The following LRBA variants were observed in gnomAD, a reference collection of about 807,000 sequenced individuals.
The protein encoded by LRBA is LPS responsive beige-like anchor protein, also known as lipopolysaccharide-responsive and beige-like anchor protein.
A neutral mutation model predicts 330.0 loss-of-function variants in LRBA; 176 were observed. That is an observed-to-expected ratio of 0.53 (90% CI 0.47 to 0.60). The LOEUF is 0.60. Among genes scored for constraint, LRBA ranks in the 20% least tolerant of loss-of-function variants. LRBA has a pLI of 0.00. For missense variants in LRBA, 3,259 were observed against 3,444.8 expected, an observed-to-expected ratio of 0.95 and a Z score of 1.35; for synonymous variants, 1,230 against 1,193.0, an observed-to-expected ratio of 1.03 and a Z score of -0.64.
intron 52 of LRBA, among the ~76,000 whole-genome samples, chr4:150,303,743 T>G (rs1183339377): frequency 2.0e-5 from 3 of 152,016 alleles, no homozygotes; most frequent in Non-Finnish European, 4.4e-5. Context: ...CCGGCTAATT[T>G]TTTGTATTTT....
rs1295959475 is a variant in LRBA at position 150,916,641 on chromosome 4, T to G, written c.743A>C (p.Asp248Ala). 1.3e-6 allele frequency: 2 copies of G among 1,599,234 alleles called. No homozygotes were observed. The highest frequency in any genetic ancestry group is 8.5e-7 in the Non-Finnish European group (1 of 1,173,956). The stretch of plus-strand genomic sequence containing the variant: ...CCAATACAAATATGGTTTATCCTTA[T>G]CTACATTGATGTTATTTACAGGATC... ...RMDPVNNINVDKDKPYLYCFR... is the reference protein window; with the variant it reads ...RMDPVNNINVAKDKPYLYCFR... Residue 248 changes from aspartate to alanine, a missense_variant, in exon 6 of 57, where the codon GAT becomes GCT. Asp to Ala is a moderately radical substitution (Grantham distance 126). Transcript: ENST00000651943.
chr4:150,621,633 C>A (rs188760346), intron 37 of LRBA, among the ~76,000 whole-genome samples: 1 of 152,288 alleles, frequency 6.6e-6, no homozygotes, highest in East Asian at 1.9e-4. Context: ...AAAAGTGCTA[C>A]CATTTTGATA....
intron 30 of LRBA, 152 bp downstream of exon 30, chr4:150,828,028 C>T: frequency 1.6e-6 from 1 of 630,848 alleles, no homozygotes. Context: ...AGTAAAGTTT[C>T]TGATCAACAT....
rs1348006849 is a variant in LRBA at position 150,489,032 on chromosome 4, AT to A, written c.6449-1199del. Among the ~76,000 whole-genome samples the A allele has an allele frequency of 4.4e-5, 5 of 113,170 alleles. No individual in the cohort carries two copies. In the South Asian group the frequency reaches 9.8e-4, roughly 22 times the overall value. The allele number at this position is 113,170 out of a possible 152,430, so 74.2% of individuals were successfully genotyped here. A position where few individuals can be genotyped will look rare whatever the true frequency, so the allele number is the denominator to read the frequency against. On this transcript the variant is annotated intron_variant, in intron 41 of 56. Transcript: ENST00000651943. ...TAATATATTATATATAAGAATATAT[AT>A]TATATATAATATATTATATATAAGA... is the stretch of plus-strand genomic sequence containing the variant.
intron 37 of LRBA, among the ~76,000 whole-genome samples, chr4:150,627,883 A>C (rs1777008684): frequency 6.6e-6 from 1 of 152,092 alleles, no homozygotes; most frequent in Non-Finnish European, 1.5e-5. Context: ...ACCCTCTTTG[A>C]AGTCAACTTT....
chr4:150,884,718 A>T lies in LRBA; in HGVS notation c.2165+8334T>A, dbSNP rs760306661. ...TAAAACCAAACAAAAACCAACAACCATAGAAAAACAAAAAAAGTCTAGAGT... is the reference window on the plus strand; with the variant it reads ...TAAAACCAAACAAAAACCAACAACCTTAGAAAAACAAAAAAAGTCTAGAGT... On this transcript the variant is annotated intron_variant, in intron 17 of 56. Coordinates refer to ENST00000651943, the MANE Select transcript of LRBA (RefSeq NM_001364905.1). Among the ~76,000 whole-genome samples the T allele has an allele frequency of 2.1e-4, 32 of 152,182 alleles. 1 individual carries two copies. The highest frequency in any genetic ancestry group is 3.3e-4 in the Admixed American group (5 of 15,280).
At chr4:150,559,565 T>A (rs1434721373) in intron 40 of LRBA, among the ~76,000 whole-genome samples, 2 of 120,704 alleles carry the variant, frequency 1.7e-5, no homozygotes, top group East Asian at 2.1e-4. Context: ...TATATTTATA[T>A]AAATATATAA....
chr4:150,290,567 C>T (rs1384121918), intron 53 of LRBA, among the ~76,000 whole-genome samples: 1 of 152,118 alleles, frequency 6.6e-6, no homozygotes, highest in Non-Finnish European at 1.5e-5. Context: ...TCAAACTCTT[C>T]TTAAAGAAAA....
intron 37 of LRBA, among the ~76,000 whole-genome samples, chr4:150,615,245 C>T (rs956331979): frequency 2.6e-5 from 4 of 152,056 alleles, no homozygotes; most frequent in African/African-American, 9.7e-5. Flanking sequence ...TCATTTAAGT[C>T]TTCATAGGTT....
chr4:150,290,611 G>C (rs1341338651), intron 53 of LRBA, among the ~76,000 whole-genome samples: 1 of 152,194 alleles, frequency 6.6e-6, no homozygotes, highest in Non-Finnish European at 1.5e-5. Flanking sequence ...TTCTAGGACT[G>C]CTTTGAAAAG....
At chr4:150,821,880 T>C (rs1419811651) in intron 30 of LRBA, among the ~76,000 whole-genome samples, 1 of 152,156 alleles carries the variant, frequency 6.6e-6, no homozygotes, top group Admixed American at 6.5e-5. Flanking sequence ...CTGGCAGCCT[T>C]TCAGCAAGGT....
chr4:150,519,140 G>C (rs925853299), intron 40 of LRBA, among the ~76,000 whole-genome samples: 2 of 151,890 alleles, frequency 1.3e-5, no homozygotes, highest in African/African-American at 4.8e-5. Context: ...CATTTTCAAA[G>C]CCTTGCACAT....
intron 48 of LRBA, among the ~76,000 whole-genome samples, chr4:150,327,600 T>C (rs1474584321): frequency 2.0e-5 from 3 of 152,242 alleles, no homozygotes; most frequent in South Asian, 2.1e-4. Context: ...TAATCCTGAC[T>C]GTGACACTTA....
intron 34 of LRBA, among the ~76,000 whole-genome samples, chr4:150,763,457 A>G (rs1735367492): frequency 6.6e-6 from 1 of 152,024 alleles, no homozygotes; most frequent in Non-Finnish European, 1.5e-5. Context: ...AAACAGGGAT[A>G]CTAAATTTTT....
intron 40 of LRBA, among the ~76,000 whole-genome samples, chr4:150,577,740 C>A (rs1197276675): frequency 6.6e-6 from 1 of 151,920 alleles, no homozygotes; most frequent in Admixed American, 6.5e-5. Flanking sequence ...ATAATAGATA[C>A]CTTTTAAGTC....
In LRBA at chr4:150,692,991, T is replaced by C. The variant is rs550320247; in HGVS notation, c.5755-9274A>G. ...AATATTCAAAGTGCATTATTCATAA[T>C]AGCTAAACACTGAAAACAACCAAAC... On this transcript the variant is annotated intron_variant, in intron 36 of 56. Coordinates refer to ENST00000651943, the MANE Select transcript of LRBA (RefSeq NM_001364905.1). Among the ~76,000 whole-genome samples, 72 of 152,306 alleles carry C rather than the reference T, an allele frequency of 4.7e-4. 2 individuals are homozygous for C. The highest frequency in any genetic ancestry group is 4.2e-3 in the Admixed American group (64 of 15,298).
intron 53 of LRBA, among the ~76,000 whole-genome samples, chr4:150,286,309 C>T (rs1221721767): frequency 6.6e-6 from 1 of 152,100 alleles, no homozygotes; most frequent in Admixed American, 6.5e-5. Flanking sequence ...TCCAAAATGC[C>T]TCATAAAAAA....
intron 46 of LRBA, among the ~76,000 whole-genome samples, chr4:150,434,374 G>A (rs183839887): frequency 6.6e-6 from 1 of 152,268 alleles, no homozygotes; most frequent in East Asian, 1.9e-4. Context: ...CATGCATATA[G>A]ATAGAATAAC....
At chr4:150,709,962 T>C (rs139060998) in intron 36 of LRBA, among the ~76,000 whole-genome samples, 1 of 152,022 alleles carries the variant, frequency 6.6e-6, no homozygotes, top group African/African-American at 2.4e-5. Flanking sequence ...GTGGTTGATA[T>C]TAAGGATTGT....
Sources: gnomAD v4.1 joint callset for allele counts (sites outside exome capture counted in the v4.1 genomes callset) on GRCh38, gnomAD v4.1.1 for gene constraint, MANE v1.5 for transcripts, NCBI Gene and HGNC (gene_info 2026-07-23, HGNC 2026-07-21) for gene names.